FER: variants seen among roughly 807,000 people sequenced by gnomAD.
The protein encoded by FER is FER tyrosine kinase, also known as tyrosine-protein kinase Fer.
Under a neutral mutation model 111.0 loss-of-function variants are expected in FER, and 63 were observed. The ratio of observed to expected loss-of-function variants is 0.57; its 90% CI spans 0.46 to 0.70. The LOEUF is 0.70. Among genes scored for constraint, FER ranks in the 30% least tolerant of loss-of-function variants. The pLI is 0.00. For missense variants in FER, 914 were observed against 954.0 expected, an observed-to-expected ratio of 0.96 and a Z score of 0.55; for synonymous variants, 327 against 313.9, an observed-to-expected ratio of 1.04 and a Z score of -0.44.
chr5:109,146,958 A>C (rs1449360147), intron 17 of FER, among the ~76,000 whole-genome samples: 1 of 152,112 alleles, frequency 6.6e-6, no homozygotes, highest in African/African-American at 2.4e-5. Flanking sequence ...TTTAAGAGAC[A>C]ATGTATTTTT....
chr5:108,979,673 TA>T (rs1214291565), intron 13 of FER, among the ~76,000 whole-genome samples: 1 of 152,206 alleles, frequency 6.6e-6, no homozygotes, highest in African/African-American at 2.4e-5. Flanking sequence ...TTCTCTCTGT[TA>T]CTAGTGAAAA....
intron 17 of FER, among the ~76,000 whole-genome samples, chr5:109,165,970 G>A (rs981100887): frequency 6.6e-6 from 1 of 152,120 alleles, no homozygotes; most frequent in Non-Finnish European, 1.5e-5. Flanking sequence ...GCAGGGGAAA[G>A]GGGTTGTCAG....
At chr5:108,866,382 C>G (rs1214985538) in intron 5 of FER, among the ~76,000 whole-genome samples, 1 of 152,040 alleles carries the variant, frequency 6.6e-6, no homozygotes, top group East Asian at 1.9e-4. Context: ...GGGTATTGAA[C>G]AGTGAGAACA....
intron 13 of FER, among the ~76,000 whole-genome samples, chr5:109,017,523 A>T (rs1767314578): frequency 6.6e-6 from 1 of 151,944 alleles, no homozygotes; most frequent in African/African-American, 2.4e-5. Flanking sequence ...TCTTTCTGTT[A>T]TTCATTGTTG....
intron 9 of FER, among the ~76,000 whole-genome samples, chr5:108,895,027 G>A (rs1188202160): frequency 6.6e-6 from 1 of 152,082 alleles, no homozygotes; most frequent in Non-Finnish European, 1.5e-5. Flanking sequence ...TGTAGTTAGA[G>A]AATCAGTTAT....
In FER at chr5:109,195,419, A is replaced by G. The variant is rs940783777; in HGVS notation, c.*7844A>G. On this transcript the variant is annotated 3_prime_UTR_variant, in exon 20 of 20. Transcript: ENST00000281092. ...GTGTACAGAATATGTACATGTTCCAATGGAATTCACTATTTTTGGCTTTAG... is the reference window on the plus strand; with the variant it reads ...GTGTACAGAATATGTACATGTTCCAGTGGAATTCACTATTTTTGGCTTTAG... 2.0e-5 allele frequency: 3 copies of G among 152,170 alleles called. No individual in the cohort carries two copies. Among genetic ancestry groups the G allele is most frequent in the Non-Finnish European group, 2.9e-5 (2 of 68,026 alleles). 9.4% of individuals were successfully genotyped at this position (152,170 alleles called of 1,614,324 possible). A position where few individuals can be genotyped will look rare whatever the true frequency, so the allele number is the denominator to read the frequency against.
intron 10 of FER, among the ~76,000 whole-genome samples, chr5:108,941,755 T>C (rs1756301438): frequency 6.6e-6 from 1 of 152,208 alleles, no homozygotes; most frequent in African/African-American, 2.4e-5. Context: ...TTGGTGTGCA[T>C]CTTGTAGTAC....
chr5:108,821,793 T>C (rs566352302), intron 3 of FER, among the ~76,000 whole-genome samples: 1 of 152,178 alleles, frequency 6.6e-6, no homozygotes, highest in South Asian at 2.1e-4. Context: ...TGTATAATGA[T>C]TACCACAATC....
chr5:109,006,152 G>T (rs1765468773), intron 13 of FER, among the ~76,000 whole-genome samples: 1 of 152,124 alleles, frequency 6.6e-6, no homozygotes, highest in African/African-American at 2.4e-5. Context: ...TTGAATCTTG[G>T]GGAGGTTAAA....
At chr5:109,116,302 C>A (rs938897926) in intron 17 of FER, among the ~76,000 whole-genome samples, 1 of 151,900 alleles carries the variant, frequency 6.6e-6, no homozygotes. Flanking sequence ...AGTACTGACT[C>A]TAGACTTCAG....
At chr5:108,853,653 T>G (rs1343822274) in intron 5 of FER, among the ~76,000 whole-genome samples, 1 of 152,150 alleles carries the variant, frequency 6.6e-6, no homozygotes, top group African/African-American at 2.4e-5. Context: ...ACAGATACCT[T>G]TTTGTCTATA....
intron 6 of FER, among the ~76,000 whole-genome samples, chr5:108,870,758 T>G (rs571883259): frequency 6.6e-6 from 1 of 152,286 alleles, no homozygotes; most frequent in African/African-American, 2.4e-5. Flanking sequence ...ATAGCATTTT[T>G]AAGTAGGAAG....
At chr5:108,927,639 G>A (rs1453667008) in intron 10 of FER, among the ~76,000 whole-genome samples, 1 of 152,122 alleles carries the variant, frequency 6.6e-6, no homozygotes, top group East Asian at 1.9e-4. Context: ...TGTGAAGTTT[G>A]GTTGTATTGC....
At chr5:109,127,217 AC>A (rs1751832395) in intron 17 of FER, among the ~76,000 whole-genome samples, 1 of 152,202 alleles carries the variant, frequency 6.6e-6, no homozygotes, top group African/African-American at 2.4e-5. Context: ...GAATACCAAT[AC>A]AAAAATCCAT....
intron 1 of FER, among the ~76,000 whole-genome samples, chr5:108,760,679 A>G (rs1751631812): frequency 6.6e-6 from 1 of 151,980 alleles, no homozygotes; most frequent in Non-Finnish European, 1.5e-5. Flanking sequence ...TCCTCACCTC[A>G]CCCAGACTTC....
chr5:108,822,723 ATTTT>A (rs1561469810), intron 3 of FER, among the ~76,000 whole-genome samples: 88 of 132,708 alleles, frequency 6.6e-4, no homozygotes, highest in South Asian at 1.2e-3. Context: ...ATTTTATTTT[ATTTT>A]ATTTTATTTT....
chr5:109,059,540 A>G (rs1234185549), intron 16 of FER, among the ~76,000 whole-genome samples: 4 of 152,144 alleles, frequency 2.6e-5, no homozygotes, highest in African/African-American at 4.8e-5. Flanking sequence ...AAAACCCAGA[A>G]CAAAAAACAA....
chr5:108,972,625 A>C (rs1343291100), intron 13 of FER, among the ~76,000 whole-genome samples: 1 of 152,084 alleles, frequency 6.6e-6, no homozygotes, highest in Non-Finnish European at 1.5e-5. Context: ...ATTTTTACTC[A>C]CTTTTTTGTA....
intron 9 of FER, among the ~76,000 whole-genome samples, chr5:108,894,058 CT>C: frequency 6.6e-6 from 1 of 151,514 alleles, no homozygotes; most frequent in South Asian, 2.1e-4. Context: ...CATGCTGCCC[CT>C]GAAAGACCTA....
Sources: gnomAD v4.1 joint callset for allele counts (sites outside exome capture counted in the v4.1 genomes callset) on GRCh38, gnomAD v4.1.1 for gene constraint, MANE v1.5 for transcripts, NCBI Gene and HGNC (gene_info 2026-07-23, HGNC 2026-07-21) for gene names.